ATRN: variants seen among roughly 807,000 people sequenced by gnomAD.
ATRN encodes attractin-2.
Under a neutral mutation model 178.7 loss-of-function variants are expected in ATRN, and 54 were observed. The ratio of observed to expected loss-of-function variants is 0.30; its 90% CI spans 0.24 to 0.38. The LOEUF is 0.38. Among genes scored for constraint, ATRN ranks in the 10% least tolerant of loss-of-function variants. The probability of loss-of-function intolerance (pLI) is 1.00; values close to 1 mark genes in which losing one functional copy is unlikely to be tolerated. For synonymous variants in ATRN, 636 were observed against 663.0 expected (o/e 0.96, Z 0.63); for missense variants, 1,443 against 1,815.1 (o/e 0.79, Z 3.73).
At chr20:3,537,329 G>A (rs904735420) in intron 2 of ATRN, among the ~76,000 whole-genome samples, 1 of 151,980 alleles carries the variant, frequency 6.6e-6, no homozygotes, top group African/African-American at 2.4e-5. Context: ...CTGAATAACC[G>A]TAGTTTATTG....
At chr20:3,589,200 A>G (rs541582662) in intron 18 of ATRN, among the ~76,000 whole-genome samples, 88 of 152,078 alleles carry the variant, frequency 5.8e-4, no homozygotes, top group African/African-American at 2.1e-3. Flanking sequence ...GGGTTTTACC[A>G]TGTAGACCAG....
rs137893874 is a variant in ATRN at position 3,539,857 on chromosome 20, C to T, written c.495-365C>T. Among the ~76,000 whole-genome samples the T allele has an allele frequency of 1.3e-3, 194 of 152,002 alleles. 2 individuals are homozygous for T. Among genetic ancestry groups the T allele is most frequent in the Non-Finnish European group, 2.4e-3 (163 of 67,994 alleles). ...CCAGTGTCCTGAAAAATCAGAGGGG[C>T]TGGCAAATTTAGAGGATTGGCAGGC... On this transcript the variant is annotated intron_variant, in intron 2 of 28. Transcript: ENST00000262919.
chr20:3,575,036 C>T (rs936735162), intron 12 of ATRN, among the ~76,000 whole-genome samples: 4 of 151,836 alleles, frequency 2.6e-5, no homozygotes, highest in African/African-American at 4.8e-5. Context: ...CAGCTCACTG[C>T]AACCTCCGCC....
chr20:3,491,049 G>C (rs1218240963), intron 1 of ATRN: 3 of 969,032 alleles, frequency 3.1e-6, no homozygotes, highest in Non-Finnish European at 4.9e-6. Flanking sequence ...ATGATTAGTT[G>C]TTTGCTGCTG....
intron 24 of ATRN, among the ~76,000 whole-genome samples, chr20:3,612,038 C>T (rs893118189): frequency 1.3e-5 from 2 of 152,192 alleles, no homozygotes; most frequent in African/African-American, 2.4e-5. Context: ...AATCTCTGTA[C>T]ACCCGTGTTT....
intron 3 of ATRN, among the ~76,000 whole-genome samples, chr20:3,544,630 T>A (rs2085672487): frequency 6.6e-6 from 1 of 152,186 alleles, no homozygotes; most frequent in African/African-American, 2.4e-5. Flanking sequence ...AACCACAATT[T>A]AAAAATTGCT....
chr20:3,585,006 G>A (rs2086338146), intron 18 of ATRN, 126 bp downstream of exon 18: 1 of 889,492 alleles, frequency 1.1e-6, no homozygotes, highest in Non-Finnish European at 1.7e-6. Context: ...CCTAATGGTT[G>A]GTACAAGAAG....
In ATRN at chr20:3,582,376, G is replaced by A. The variant is rs370122272; in HGVS notation, c.2764+22G>A. On this transcript the variant is annotated intron_variant, in intron 16 of 28. Coordinates refer to ENST00000262919, the MANE Select transcript of ATRN (RefSeq NM_139321.3). ...CCTGGTAAGTTCACAGGTGAATTAG[G>A]TGGTATTCAGAGTTTATTGTGAGAG... 44 of 1,604,816 alleles carry A rather than the reference G, an allele frequency of 2.7e-5. No individual in the cohort carries two copies. The Middle Eastern group carries it at 1.6e-3, about 58-fold the overall frequency.
intron 25 of ATRN, among the ~76,000 whole-genome samples, chr20:3,628,553 C>T (rs1251482271): frequency 6.6e-6 from 1 of 152,128 alleles, no homozygotes; most frequent in East Asian, 1.9e-4. Flanking sequence ...AGGAATCATC[C>T]CTTGGTCCAG....
intron 3 of ATRN, among the ~76,000 whole-genome samples, chr20:3,544,222 A>C (rs1000268487): frequency 6.6e-6 from 1 of 152,128 alleles, no homozygotes; most frequent in African/African-American, 2.4e-5. Context: ...CCCTTATCAG[A>C]ATGCCTGTTG....
chr20:3,599,577 C>T (rs572860948), intron 22 of ATRN, among the ~76,000 whole-genome samples: 11 of 152,316 alleles, frequency 7.2e-5, no homozygotes, highest in African/African-American at 2.6e-4. Context: ...TGAGGATCCA[C>T]TTACACGTAG....
chr20:3,603,177 G>T (rs188742754), intron 23 of ATRN, among the ~76,000 whole-genome samples: 93 of 152,068 alleles, frequency 6.1e-4, no homozygotes, highest in Non-Finnish European at 1.1e-3. Flanking sequence ...CAGATTAGGG[G>T]GACTTAAATA....
intron 1 of ATRN, among the ~76,000 whole-genome samples, chr20:3,492,854 G>GGCGCGCGC (rs144765964): frequency 3.8e-5 from 5 of 132,430 alleles, no homozygotes; most frequent in Non-Finnish European, 4.9e-5. Flanking sequence ...GAGAGAGAGA[G>GGCGCGCGC]GCGCGCGCGC....
intron 27 of ATRN, among the ~76,000 whole-genome samples, chr20:3,641,356 C>T (rs1208087599): frequency 2.6e-5 from 4 of 151,756 alleles, no homozygotes; most frequent in Admixed American, 2.6e-4. Context: ...TTTGGGAGGC[C>T]GAGGCGGGCG....
intron 1 of ATRN, among the ~76,000 whole-genome samples, chr20:3,497,074 T>C: frequency 6.6e-6 from 1 of 150,790 alleles, no homozygotes; most frequent in African/African-American, 2.5e-5. Flanking sequence ...TGAGATGGGT[T>C]TCCTGAATAC....
At chr20:3,543,568 A>C (rs547374784) in intron 3 of ATRN, among the ~76,000 whole-genome samples, 2 of 151,690 alleles carry the variant, frequency 1.3e-5, no homozygotes, top group South Asian at 4.2e-4. Context: ...CTAAAAATAC[A>C]AAAAAAATCA....
chr20:3,630,094 T>C (rs181592051), intron 25 of ATRN, among the ~76,000 whole-genome samples: 2 of 152,270 alleles, frequency 1.3e-5, no homozygotes, highest in Admixed American at 6.5e-5. Flanking sequence ...GGTTTTCTGG[T>C]GACCAGCCCC....
intron 1 of ATRN, among the ~76,000 whole-genome samples, chr20:3,496,285 A>G (rs1484432172): frequency 1.3e-5 from 2 of 150,968 alleles, no homozygotes; most frequent in South Asian, 2.1e-4. Flanking sequence ...TCTTGTGGGC[A>G]TTTAGTGCTA....
chr20:3,489,705 G>A, intron 1 of ATRN: 1 of 1,578,738 alleles, frequency 6.3e-7, no homozygotes, highest in Non-Finnish European at 8.7e-7. Flanking sequence ...AGCAAAGTGA[G>A]CAGTGTTTGG....
Sources: allele counts gnomAD v4.1 joint callset (sites outside exome capture counted in the v4.1 genomes callset), GRCh38; gene constraint gnomAD v4.1.1; transcripts MANE v1.5; gene names NCBI Gene and HGNC (gene_info 2026-07-23, HGNC 2026-07-21).